Variants in ZDHHC17 observed in about 807,000 individuals in gnomAD.
The protein encoded by ZDHHC17 is zDHHC palmitoyltransferase 17.
A neutral mutation model predicts 90.3 loss-of-function variants in ZDHHC17; 40 were observed. The observed-to-expected ratio is 0.44, with a 90% CI of 0.34 to 0.58. The LOEUF (loss-of-function observed/expected upper bound fraction) is 0.58. Ranked by LOEUF, ZDHHC17 falls within the 20% of genes least tolerant of loss-of-function variation. The pLI is 0.01. For missense variants in ZDHHC17, 614 were observed against 780.8 expected (o/e 0.79, Z 2.55); for synonymous variants, 235 against 252.4 (o/e 0.93, Z 0.65).
rs1953589595 is a variant in ZDHHC17, at chr12:76,853,609, G to A, written c.*2624G>A. Reference sequence around the variant, plus strand: ...TGTTATTCTGTGGAAAGAAAAACCTGTAAAGTGTTTAATAAATTAGCCCTC... The same window carrying A: ...TGTTATTCTGTGGAAAGAAAAACCTATAAAGTGTTTAATAAATTAGCCCTC... On this transcript the variant is annotated 3_prime_UTR_variant, in exon 17 of 17. Coordinates refer to ENST00000426126, the MANE Select transcript of ZDHHC17 (RefSeq NM_015336.4). 6.6e-6 allele frequency: 1 copy of A among 152,352 alleles called. No homozygotes were observed. The highest frequency in any genetic ancestry group is 1.5e-5 in the Non-Finnish European group (1 of 67,944). 9.4% of individuals were successfully genotyped at this position (152,352 alleles called of 1,614,324 possible). A position where few individuals can be genotyped will look rare whatever the true frequency, so the allele number is the denominator to read the frequency against.
At chr12:76,813,297 T>G (rs1953047601) in intron 5 of ZDHHC17, 1 of 436,522 alleles carries the variant, frequency 2.3e-6, no homozygotes, top group Non-Finnish European at 4.5e-6. Flanking sequence ...GAAAACATAT[T>G]TTTTTTAAGC....
In ZDHHC17 at chr12:76,764,217, G is replaced by A. The variant is rs763261482; in HGVS notation, c.-20G>A. The A allele has an allele frequency of 2.2e-5, 34 of 1,569,478 alleles. No homozygotes were observed. The East Asian group carries it at 4.3e-4, about 20-fold the overall frequency. ...TCCGCCTCGCCCGAGCCCCGGGAGG[G>A]TGAAACGCTTTCTCCCAGCATGCAG... is the stretch of plus-strand genomic sequence containing the variant. On this transcript the variant is annotated 5_prime_UTR_variant, in exon 1 of 17. It adds an upstream start codon to the 5' untranslated region. Coordinates refer to ENST00000426126, the MANE Select transcript of ZDHHC17 (RefSeq NM_015336.4).
At chr12:76,774,774 A>G (rs1255402717) in intron 1 of ZDHHC17, among the ~76,000 whole-genome samples, 1 of 152,204 alleles carries the variant, frequency 6.6e-6, no homozygotes, top group African/African-American at 2.4e-5. Flanking sequence ...ATGAGTTAAT[A>G]TACCTTTTGT....
chr12:76,819,407 T>C lies in ZDHHC17; in HGVS notation c.772-2999T>C, dbSNP rs73146815. ...ATTTTTAAGTCTTAAGAAAGAATCT[T>C]GTTGATAATAGTGGATTGTAACGAT... On this transcript the variant is annotated intron_variant, in intron 7 of 16. Transcript: ENST00000426126. 2.9e-3 allele frequency among the ~76,000 whole-genome samples: 446 copies of C among 152,312 alleles called. 2 individuals are homozygous for C. Among genetic ancestry groups the C allele is most frequent in the Non-Finnish European group, 4.7e-3 (320 of 68,024 alleles).
At chr12:76,838,096 T>C (rs1250922526) in intron 10 of ZDHHC17, among the ~76,000 whole-genome samples, 1 of 152,178 alleles carries the variant, frequency 6.6e-6, no homozygotes, top group African/African-American at 2.4e-5. Flanking sequence ...CTGTTTTTTT[T>C]CTAGAATCAC....
intron 5 of ZDHHC17, among the ~76,000 whole-genome samples, 154 bp from the exon 6 acceptor site, chr12:76,814,992 T>C (rs1025090093): frequency 6.6e-6 from 1 of 151,956 alleles, no homozygotes; most frequent in Non-Finnish European, 1.5e-5. Context: ...AAGAGTTTCA[T>C]TTTAAAGTTA....
intron 2 of ZDHHC17, among the ~76,000 whole-genome samples, chr12:76,799,320 A>C (rs1455553216): frequency 6.6e-6 from 1 of 152,112 alleles, no homozygotes; most frequent in Non-Finnish European, 1.5e-5. Flanking sequence ...AATATTTTTT[A>C]TTTGTTTTGT....
intron 1 of ZDHHC17, among the ~76,000 whole-genome samples, chr12:76,791,645 C>CA (rs1952760737): frequency 1.3e-5 from 2 of 152,204 alleles, no homozygotes; most frequent in African/African-American, 4.8e-5. Flanking sequence ...TTCCTGAACT[C>CA]ACTATACTTA....
rs527770237 is a variant in ZDHHC17, at chr12:76,801,348, A to G, written c.197+3811A>G. Reference sequence around the variant, plus strand: ...ACTTTTCTTTGCGGATACTATGGATATTACATTTAACATCCTAAAGTTGGG... The same window carrying G: ...ACTTTTCTTTGCGGATACTATGGATGTTACATTTAACATCCTAAAGTTGGG... On this transcript the variant is annotated intron_variant, in intron 2 of 16. Transcript: ENST00000426126. 1.7e-4 allele frequency among the ~76,000 whole-genome samples: 26 copies of G among 151,000 alleles called. No individual in the cohort carries two copies. In the East Asian group the frequency reaches 4.5e-3, roughly 26 times the overall value.
chr12:76,818,435 A>G (rs564781390), intron 7 of ZDHHC17, among the ~76,000 whole-genome samples: 18 of 152,190 alleles, frequency 1.2e-4, no homozygotes, highest in East Asian at 1.9e-4. Context: ...TAAGGTCTCT[A>G]TTCTTTCAGA....
chr12:76,845,399 G>C (rs1216306910), intron 12 of ZDHHC17: 1 of 161,936 alleles, frequency 6.2e-6, no homozygotes. Context: ...AAATTTGAGG[G>C]ATGTGAATTA....
At chr12:76,822,304 T>C in intron 7 of ZDHHC17, 102 bp from the exon 8 acceptor site, 1 of 1,457,588 alleles carries the variant, frequency 6.9e-7, no homozygotes. Flanking sequence ...CAAAACAACG[T>C]TAATAGGGCA....
intron 10 of ZDHHC17, among the ~76,000 whole-genome samples, chr12:76,835,666 A>G (rs1432754462): frequency 1.3e-5 from 2 of 152,020 alleles, no homozygotes; most frequent in East Asian, 1.9e-4. Context: ...GACATGGGGT[A>G]ATCATATGTA....
chr12:76,840,934 G>A (rs571900795), intron 10 of ZDHHC17: 2 of 152,228 alleles, frequency 1.3e-5, no homozygotes, highest in South Asian at 4.1e-4. Context: ...GTAATGTCAA[G>A]CCTCAGCATT....
chr12:76,798,935 A>G (rs750191237), intron 2 of ZDHHC17, among the ~76,000 whole-genome samples: 1 of 152,158 alleles, frequency 6.6e-6, no homozygotes, highest in Non-Finnish European at 1.5e-5. Flanking sequence ...CCCATCTCCA[A>G]CATTGGGGAT....
At chr12:76,847,572 G>A (rs1953509689) in intron 14 of ZDHHC17, among the ~76,000 whole-genome samples, 1 of 152,202 alleles carries the variant, frequency 6.6e-6, no homozygotes, top group Non-Finnish European at 1.5e-5. Flanking sequence ...GCCTACCTTG[G>A]CTGGGCATGG....
chr12:76,788,589 AT>A, intron 1 of ZDHHC17, among the ~76,000 whole-genome samples: 1 of 151,790 alleles, frequency 6.6e-6, no homozygotes, highest in East Asian at 1.9e-4. Flanking sequence ...TATTAAGCAG[AT>A]TTCAGGAGTC....
intron 10 of ZDHHC17, chr12:76,841,155 A>G (rs1283537641): frequency 6.6e-6 from 1 of 152,238 alleles, no homozygotes; most frequent in Admixed American, 6.5e-5. Flanking sequence ...CCTGTATGTC[A>G]AGTGGCTATT....
At chr12:76,848,495 ATTC>A in intron 15 of ZDHHC17, 105 bp downstream of exon 15, 1 of 1,198,078 alleles carries the variant, frequency 8.3e-7, no homozygotes, top group East Asian at 2.7e-5. Flanking sequence ...CTCTTCAAAT[ATTC>A]ATTTTATTTT....
Sources: gnomAD v4.1 joint callset for allele counts (sites outside exome capture counted in the v4.1 genomes callset) on GRCh38, gnomAD v4.1.1 for gene constraint, MANE v1.5 for transcripts, NCBI Gene and HGNC (gene_info 2026-07-23, HGNC 2026-07-21) for gene names.